Variants in SPIRE1 observed in about 807,000 individuals in gnomAD.
SPIRE1 encodes spire type actin nucleation factor 1.
Under a neutral mutation model 94.1 loss-of-function variants are expected in SPIRE1, and 40 were observed. The ratio of observed to expected loss-of-function variants is 0.43; its 90% CI spans 0.33 to 0.55. The LOEUF is 0.55. SPIRE1 is among the 20% of genes least tolerant of loss of function. The probability of loss-of-function intolerance (pLI) is 0.06; values close to 1 mark genes in which losing one functional copy is unlikely to be tolerated. For synonymous variants in SPIRE1, 376 were observed against 371.7 expected (o/e 1.01, Z -0.13); for missense variants, 838 against 975.2 (o/e 0.86, Z 1.87).
At chr18:12,623,949 A>G (rs766459543) in intron 2 of SPIRE1, among the ~76,000 whole-genome samples, 3 of 139,276 alleles carry the variant, frequency 2.2e-5, no homozygotes, top group African/African-American at 2.7e-5. Context: ...CTTGAGATGG[A>G]GTCTCACTCT....
At chr18:12,538,930 C>A (rs2034922850) in intron 3 of SPIRE1, among the ~76,000 whole-genome samples, 1 of 152,208 alleles carries the variant, frequency 6.6e-6, no homozygotes, top group South Asian at 2.1e-4. Context: ...TCTCCATCTC[C>A]TCCACCATCA....
intron 3 of SPIRE1, among the ~76,000 whole-genome samples, chr18:12,536,631 GCC>G (rs1478741562): frequency 1.3e-5 from 2 of 152,132 alleles, no homozygotes; most frequent in Non-Finnish European, 2.9e-5. Flanking sequence ...GCTGCCTACA[GCC>G]CTAATGTCCT....
intron 10 of SPIRE1, among the ~76,000 whole-genome samples, chr18:12,469,781 G>T (rs1036766027): frequency 6.9e-6 from 1 of 144,610 alleles, no homozygotes. Flanking sequence ...CACTTTACGA[G>T]GTCTCATGAG....
At chr18:12,599,025 C>T (rs2036758105) in intron 2 of SPIRE1, among the ~76,000 whole-genome samples, 1 of 152,198 alleles carries the variant, frequency 6.6e-6, no homozygotes, top group Admixed American at 6.5e-5. Context: ...GCTTTATTCA[C>T]ATTTTCTTTC....
chr18:12,568,307 T>A (rs184213814), intron 2 of SPIRE1, among the ~76,000 whole-genome samples: 11 of 152,364 alleles, frequency 7.2e-5, no homozygotes, highest in African/African-American at 2.6e-4. Flanking sequence ...AAGCTAATTT[T>A]AGTTATCACT....
intron 2 of SPIRE1, among the ~76,000 whole-genome samples, chr18:12,620,174 G>A (rs1293898915): frequency 6.6e-6 from 1 of 151,970 alleles, no homozygotes; most frequent in East Asian, 1.9e-4. Flanking sequence ...CCCTTTTTTT[G>A]GAGTCAACGA....
chr18:12,605,292 G>A (rs2036943310), intron 2 of SPIRE1, among the ~76,000 whole-genome samples: 1 of 151,980 alleles, frequency 6.6e-6, no homozygotes, highest in East Asian at 1.9e-4. Context: ...GCCGAGGTGG[G>A]CGGACCATGA....
At chr18:12,504,802 T>C (rs1329014171) in intron 6 of SPIRE1, among the ~76,000 whole-genome samples, 1 of 152,152 alleles carries the variant, frequency 6.6e-6, no homozygotes, top group African/African-American at 2.4e-5. Flanking sequence ...AAGACTTTTC[T>C]AATGTGGGAA....
At chr18:12,608,795 C>A (rs930377225) in intron 2 of SPIRE1, among the ~76,000 whole-genome samples, 8 of 152,176 alleles carry the variant, frequency 5.3e-5, no homozygotes, top group African/African-American at 1.7e-4. Flanking sequence ...ATCCTTACAA[C>A]AACAACCCAA....
intron 10 of SPIRE1, among the ~76,000 whole-genome samples, chr18:12,470,756 T>A (rs1016788669): frequency 1.3e-5 from 2 of 152,098 alleles, no homozygotes; most frequent in African/African-American, 4.8e-5. Context: ...TCTCTGACAT[T>A]TCTAGAACAT....
At chr18:12,627,428 G>GT (rs2037662928) in intron 2 of SPIRE1, among the ~76,000 whole-genome samples, 2 of 152,230 alleles carry the variant, frequency 1.3e-5, no homozygotes, top group South Asian at 4.1e-4. Flanking sequence ...TCCATGGTGT[G>GT]TATGTGCCAC....
At chr18:12,473,524 C>T (rs79146715) in intron 10 of SPIRE1, among the ~76,000 whole-genome samples, 1 of 152,064 alleles carries the variant, frequency 6.6e-6, no homozygotes, top group Non-Finnish European at 1.5e-5. Context: ...TGTGGAATAC[C>T]ACACAGCTAT....
chr18:12,634,294 CT>C (rs2037864823), intron 2 of SPIRE1, among the ~76,000 whole-genome samples: 4 of 150,934 alleles, frequency 2.7e-5, no homozygotes, highest in Non-Finnish European at 4.4e-5. Flanking sequence ...AATAAACCTA[CT>C]TGTATAAATA....
chr18:12,551,602 G>A (rs2035351164), intron 2 of SPIRE1, among the ~76,000 whole-genome samples: 1 of 152,042 alleles, frequency 6.6e-6, no homozygotes, highest in South Asian at 2.1e-4. Context: ...CTACTCAGGA[G>A]GCTGAGGCGG....
intron 12 of SPIRE1, among the ~76,000 whole-genome samples, chr18:12,454,768 C>A (rs1018234114): frequency 1.3e-5 from 2 of 152,074 alleles, no homozygotes; most frequent in Non-Finnish European, 2.9e-5. Context: ...AACTCTATTC[C>A]GTTAAGCAGG....
intron 2 of SPIRE1, among the ~76,000 whole-genome samples, chr18:12,609,528 G>C (rs1469657087): frequency 6.6e-6 from 1 of 152,064 alleles, no homozygotes; most frequent in Non-Finnish European, 1.5e-5. Flanking sequence ...CATTACCCTG[G>C]TAAGAAAGGC....
chr18:12,656,951 T>C (rs1024273916), intron 1 of SPIRE1, among the ~76,000 whole-genome samples: 12 of 152,256 alleles, frequency 7.9e-5, no homozygotes, highest in Non-Finnish European at 1.6e-4. Context: ...TATTTTTCCA[T>C]TTCTCCCCAA....
chr18:12,483,267 T>C (rs1396888864), intron 9 of SPIRE1, among the ~76,000 whole-genome samples: 1 of 152,190 alleles, frequency 6.6e-6, no homozygotes, highest in African/African-American at 2.4e-5. Context: ...GAAAACATAT[T>C]TTTAAGAAGT....
chr18:12,463,423 A>T lies in SPIRE1; in HGVS notation c.1566T>A (p.His522Gln). ...TAGTAGGCGTTTCCTTTTCAATGGAATGTCGTCTCTGGGGTGGCTGCCGTC... is the reference window on the plus strand; with the variant it reads ...TAGTAGGCGTTTCCTTTTCAATGGATTGTCGTCTCTGGGGTGGCTGCCGTC... The part of the protein sequence containing the change: ...PERRQPPQRR[H>Q]SIEKETPTNV... The change falls in exon 12 of 17, where the codon CAT (histidine) becomes CAA (glutamine). Residue 522 changes from histidine (H) to glutamine (Q), a missense_variant. By Grantham distance (24) the His-to-Gln change is conservative (BLOSUM62 0). Coordinates refer to ENST00000409402, the MANE Select transcript of SPIRE1 (RefSeq NM_001128626.2). 1 of 1,614,018 alleles carries T rather than the reference A, an allele frequency of 6.2e-7. No homozygotes were observed. Among genetic ancestry groups the T allele is most frequent in the East Asian group, 2.2e-5 (1 of 44,888 alleles).
Sources: gnomAD v4.1 joint callset for allele counts (sites outside exome capture counted in the v4.1 genomes callset) on GRCh38, gnomAD v4.1.1 for gene constraint, MANE v1.5 for transcripts, NCBI Gene and HGNC (gene_info 2026-07-23, HGNC 2026-07-21) for gene names.